The following COL28A1 variants were observed in gnomAD, a reference collection of about 807,000 sequenced individuals.
COL28A1 encodes collagen alpha-1(XXVIII) chain.
A neutral mutation model predicts 150.2 loss-of-function variants in COL28A1; 161 were observed. That is an observed-to-expected ratio of 1.07 (90% CI 0.94 to 1.22). The LOEUF (loss-of-function observed/expected upper bound fraction) is 1.22, where lower values mean the gene tolerates loss of function less well. COL28A1 is among the 50% of genes most tolerant of loss of function. COL28A1 has a pLI of 0.00. For synonymous variants in COL28A1, 552 were observed against 469.7 expected, an observed-to-expected ratio of 1.18 and a Z score of -2.26; for missense variants, 1,617 against 1,388.3, an observed-to-expected ratio of 1.16 and a Z score of -2.62.
At chr7:7,533,719 T>A (rs1782493635) in intron 1 of COL28A1, among the ~76,000 whole-genome samples, 1 of 152,128 alleles carries the variant, frequency 6.6e-6, no homozygotes, top group South Asian at 2.1e-4. Flanking sequence ...TGTATTAAAA[T>A]CCTCAATCTT....
intron 3 of COL28A1, among the ~76,000 whole-genome samples, chr7:7,528,551 A>G (rs752196394): frequency 1.3e-5 from 2 of 152,234 alleles, no homozygotes; most frequent in Non-Finnish European, 2.9e-5. Flanking sequence ...ACTAAAGTCT[A>G]TTCTACAATA....
intron 27 of COL28A1, among the ~76,000 whole-genome samples, chr7:7,387,375 T>A (rs187969973): frequency 5.3e-5 from 8 of 152,156 alleles, no homozygotes; most frequent in Non-Finnish European, 1.2e-4. Context: ...AACAATACTT[T>A]AAAAAGTTAA....
At chr7:7,495,619 C>T (rs1780164969) in intron 11 of COL28A1, among the ~76,000 whole-genome samples, 1 of 152,166 alleles carries the variant, frequency 6.6e-6, no homozygotes, top group South Asian at 2.1e-4. Context: ...ACACCTCCCA[C>T]TCCCTCTGCC....
the COL28A1 span, among the ~76,000 whole-genome samples, chr7:7,346,076 C>T: frequency 6.6e-6 from 1 of 151,956 alleles, no homozygotes; most frequent in Non-Finnish European, 1.5e-5. Context: ...TATTCAGAAG[C>T]TACTAAAACT....
At chr7:7,341,465 C>T in the COL28A1 span, among the ~76,000 whole-genome samples, 93,301 of 151,914 alleles carry the variant, frequency 0.61, 32,758 homozygotes, top group East Asian at 0.87. Context: ...AGTGCGTTGG[C>T]ATGATCATGG....
At chr7:7,364,501 C>T (rs775367469) in intron 33 of COL28A1, among the ~76,000 whole-genome samples, 26 of 152,172 alleles carry the variant, frequency 1.7e-4, no homozygotes, top group Non-Finnish European at 3.1e-4. Context: ...GTAGAAAGTC[C>T]TTTCCCATTG....
Position 7,364,719 on chromosome 7 carries a change from GA to G in COL28A1, c.3067-4192del, listed in dbSNP as rs929594993. Among the ~76,000 whole-genome samples the G allele has an allele frequency of 2.5e-4, 38 of 150,922 alleles. 1 individual carries two copies. Among genetic ancestry groups the G allele is most frequent in the African/African-American group, 1.7e-4 (7 of 41,118 alleles). ...GCTAATAACCCTAAGATGGGTAGAGGAAAAAAAAATTTCCTCCCCTCCACTA... is the reference window on the plus strand; with the variant it reads ...GCTAATAACCCTAAGATGGGTAGAGGAAAAAAAATTTCCTCCCCTCCACTA... On this transcript the variant is annotated intron_variant, in intron 33 of 34. Transcript: ENST00000399429.
At chr7:7,351,064 A>G in the COL28A1 span, among the ~76,000 whole-genome samples, 28 of 152,232 alleles carry the variant, frequency 1.8e-4, 1 homozygote, top group Middle Eastern at 3.4e-3. Context: ...TCTACTGCCA[A>G]ACTAGAGGGA....
Position 7,441,388 on chromosome 7 carries a change from T to G in COL28A1, c.1651-527A>C, listed in dbSNP as rs182361802. 1.8e-3 allele frequency among the ~76,000 whole-genome samples: 273 copies of G among 152,198 alleles called. 1 individual carries two copies. The highest frequency in any genetic ancestry group is 7.1e-3 in the Admixed American group (109 of 15,276). ...ATTAACCTGGGGCAGAGCTAGGAACTGACTACTAGATGTTGCCCAGCAGGG... is the reference window on the plus strand; with the variant it reads ...ATTAACCTGGGGCAGAGCTAGGAACGGACTACTAGATGTTGCCCAGCAGGG... On this transcript the variant is annotated intron_variant, in intron 20 of 34. Coordinates refer to ENST00000399429, the MANE Select transcript of COL28A1 (RefSeq NM_001037763.3).
chr7:7,480,667 T>C (rs1789314858), intron 13 of COL28A1, among the ~76,000 whole-genome samples: 1 of 152,210 alleles, frequency 6.6e-6, no homozygotes, highest in African/African-American at 2.4e-5. Context: ...TCCAGTTCAC[T>C]CAACTTTTTT....
intron 27 of COL28A1, among the ~76,000 whole-genome samples, chr7:7,395,829 C>T (rs1782803003): frequency 6.6e-6 from 1 of 152,174 alleles, no homozygotes; most frequent in South Asian, 2.1e-4. Flanking sequence ...TTCTAGTTTG[C>T]CTGTCCTCCT....
downstream of COL28A1, among the ~76,000 whole-genome samples, chr7:7,352,753 C>T (rs1490876782): frequency 6.6e-6 from 1 of 152,162 alleles, no homozygotes; most frequent in Non-Finnish European, 1.5e-5. Context: ...TATAACATAA[C>T]ACATTGTTGT....
chr7:7,403,226 T>C (rs1012232951), intron 27 of COL28A1, among the ~76,000 whole-genome samples: 1 of 152,104 alleles, frequency 6.6e-6, no homozygotes, highest in Non-Finnish European at 1.5e-5. Flanking sequence ...AACAAGCACC[T>C]GGCCCAGGAA....
At chr7:7,533,439 A>G (rs1465737707) in intron 1 of COL28A1, among the ~76,000 whole-genome samples, 1 of 152,126 alleles carries the variant, frequency 6.6e-6, no homozygotes, top group Non-Finnish European at 1.5e-5. Flanking sequence ...TAAAAATTAA[A>G]CGACCCTTCT....
intron 21 of COL28A1, among the ~76,000 whole-genome samples, chr7:7,439,994 G>C (rs1372339911): frequency 6.6e-6 from 1 of 152,152 alleles, no homozygotes; most frequent in Non-Finnish European, 1.5e-5. Context: ...TATACTCCTT[G>C]TCTCTTTCTC....
chr7:7,383,229 A>T (rs1583257675), intron 27 of COL28A1, among the ~76,000 whole-genome samples: 1 of 150,830 alleles, frequency 6.6e-6, no homozygotes. Context: ...CTACATTTCA[A>T]AATAATACAT....
chr7:7,435,961 G>A (rs1216847267), intron 23 of COL28A1, among the ~76,000 whole-genome samples: 1 of 152,102 alleles, frequency 6.6e-6, no homozygotes, highest in Non-Finnish European at 1.5e-5. Context: ...ACAGAAACCT[G>A]GTTTCTTCTT....
intron 27 of COL28A1, chr7:7,417,524 G>C (rs1290661757): frequency 1.4e-4 from 16 of 117,882 alleles, no homozygotes; most frequent in Non-Finnish European, 1.7e-4. Flanking sequence ...GGAGGGAGGG[G>C]GGAGGGAGGG....
intron 13 of COL28A1, among the ~76,000 whole-genome samples, chr7:7,480,415 G>A (rs138093076): frequency 0.011 from 1,615 of 152,164 alleles, 33 homozygotes; most frequent in African/African-American, 0.037. Context: ...ACAGTTTATT[G>A]TACGGGCAGA....
Sources: allele counts gnomAD v4.1 joint callset (sites outside exome capture counted in the v4.1 genomes callset), GRCh38; gene constraint gnomAD v4.1.1; transcripts MANE v1.5; gene names NCBI Gene and HGNC (gene_info 2026-07-23, HGNC 2026-07-21).